Variants in PRELID2 observed in about 807,000 individuals in gnomAD.
PRELID2 encodes the protein PRELI domain containing 2, also known as PRELI domain-containing protein 2.
In PRELID2, 25 loss-of-function variants were observed where a neutral mutation model predicts 28.4. The ratio of observed to expected loss-of-function variants is 0.88; its 90% CI spans 0.64 to 1.23. The LOEUF (loss-of-function observed/expected upper bound fraction) is 1.23, where lower values mean the gene tolerates loss of function less well. Ranked by LOEUF, PRELID2 falls within the 50% of genes most tolerant of loss-of-function variation. The pLI is 0.00. For synonymous variants in PRELID2, 76 were observed against 71.6 expected, an observed-to-expected ratio of 1.06 and a Z score of -0.31; for missense variants, 201 against 214.4, an observed-to-expected ratio of 0.94 and a Z score of 0.39.
chr5:145,598,100 T>C (rs893453228), intron 1 of PRELID2, among the ~76,000 whole-genome samples: 2 of 152,084 alleles, frequency 1.3e-5, no homozygotes, highest in African/African-American at 4.8e-5. Context: ...AGGCTTTCAA[T>C]AGACAAAGTG....
rs182738131 is a variant in PRELID2, at chr5:145,727,672, T to C, written n.70+37259A>G. ...AAATCCACAAATGTAGAGCCTCCAA[T>C]GGCCTTCAACTGTAAATCTTTTGGA... On this transcript the variant is annotated intron_variant and non_coding_transcript_variant, in intron 1 of 2. Transcript: ENST00000510259. 1.3e-3 allele frequency among the ~76,000 whole-genome samples: 196 copies of C among 152,266 alleles called. 1 individual carries two copies. Among genetic ancestry groups the C allele is most frequent in the African/African-American group, 4.5e-3 (186 of 41,566 alleles).
At chr5:145,439,147 T>C in the PRELID2 span, among the ~76,000 whole-genome samples, 45 of 152,152 alleles carry the variant, frequency 3.0e-4, no homozygotes, top group Non-Finnish European at 4.4e-4. Context: ...CATTCTCAAA[T>C]GTGTGGGATC....
chr5:145,357,038 C>A, the PRELID2 span, among the ~76,000 whole-genome samples: 6 of 152,142 alleles, frequency 3.9e-5, no homozygotes, highest in Admixed American at 2.6e-4. Context: ...TTGGAATTTC[C>A]TTTCTTTAAG....
chr5:145,257,587 T>C, the PRELID2 span, among the ~76,000 whole-genome samples: 2 of 152,194 alleles, frequency 1.3e-5, no homozygotes, highest in South Asian at 2.1e-4. Context: ...ACACAACTAA[T>C]GATGTTCATA....
intron 1 of PRELID2, among the ~76,000 whole-genome samples, chr5:145,705,362 TG>T (rs757730093): frequency 3.5e-4 from 49 of 139,786 alleles, no homozygotes; most frequent in African/African-American, 1.4e-3. Context: ...AGCTAATTTT[TG>T]TGGGTTTTTT....
At chr5:145,380,425 G>T in the PRELID2 span, among the ~76,000 whole-genome samples, 1 of 152,154 alleles carries the variant, frequency 6.6e-6, no homozygotes, top group African/African-American at 2.4e-5. Flanking sequence ...TCACCTGGCT[G>T]CTCTAATCGG....
At chr5:145,424,369 T>C in the PRELID2 span, among the ~76,000 whole-genome samples, 10 of 152,230 alleles carry the variant, frequency 6.6e-5, no homozygotes, top group African/African-American at 2.2e-4. Flanking sequence ...CTCAGACTGC[T>C]GTGCTAGCAA....
the PRELID2 span, among the ~76,000 whole-genome samples, chr5:145,415,256 T>G: frequency 6.6e-6 from 1 of 152,044 alleles, no homozygotes; most frequent in African/African-American, 2.4e-5. Flanking sequence ...TTTTGTTTTG[T>G]TTTTTATTTT....
chr5:145,569,560 A>G (rs188360217), intron 1 of PRELID2, among the ~76,000 whole-genome samples: 132 of 152,330 alleles, frequency 8.7e-4, no homozygotes, highest in Non-Finnish European at 1.5e-3. Context: ...AGAAAACAAG[A>G]ATGCTTCTGG....
At chr5:145,386,242 C>T in the PRELID2 span, among the ~76,000 whole-genome samples, 1 of 151,856 alleles carries the variant, frequency 6.6e-6, no homozygotes, top group African/African-American at 2.4e-5. Context: ...GAGAACTCAC[C>T]CACTCTCATG....
At chr5:145,829,976 C>A (rs754439509) in intron 1 of PRELID2, among the ~76,000 whole-genome samples, 1 of 152,178 alleles carries the variant, frequency 6.6e-6, no homozygotes, top group Non-Finnish European at 1.5e-5. Context: ...ATAAATAACA[C>A]CCAGGGTCAT....
the PRELID2 span, among the ~76,000 whole-genome samples, chr5:145,437,702 G>A: frequency 6.6e-6 from 1 of 152,064 alleles, no homozygotes; most frequent in Non-Finnish European, 1.5e-5. Flanking sequence ...GATGCTCTCT[G>A]GAGTTTTGCA....
chr5:145,410,623 T>A, the PRELID2 span, among the ~76,000 whole-genome samples: 1 of 152,118 alleles, frequency 6.6e-6, no homozygotes, highest in African/African-American at 2.4e-5. Context: ...TCAGATCTCA[T>A]GAGAACTCAC....
chr5:145,539,257 T>A (rs1032452752), intron 1 of PRELID2, among the ~76,000 whole-genome samples: 1 of 152,084 alleles, frequency 6.6e-6, no homozygotes, highest in African/African-American at 2.4e-5. Flanking sequence ...GTTATATATG[T>A]AGCAGAGAAT....
chr5:145,229,298 A>T, the PRELID2 span: 1 of 749,696 alleles, frequency 1.3e-6, no homozygotes, highest in Non-Finnish European at 2.5e-6. Flanking sequence ...CAGTGACCTG[A>T]TGGAATATGC....
Position 145,545,513 on chromosome 5 carries a change from T to C in PRELID2, n.71-72198A>G, listed in dbSNP as rs1023303390. Among the ~76,000 whole-genome samples, 4 of 152,020 alleles carry C rather than the reference T, an allele frequency of 2.6e-5. No homozygotes were observed. In the East Asian group the frequency reaches 7.7e-4, roughly 29 times the overall value. On this transcript the variant is annotated intron_variant and non_coding_transcript_variant, in intron 1 of 2. Coordinates refer to the PRELID2 transcript ENST00000510259. ...ACTTCAAAGAAATTTTATCTAGTCA[T>C]AGGCTCCTTCCACCTGTGGTCAAAT...
At chr5:145,401,811 C>T in the PRELID2 span, among the ~76,000 whole-genome samples, 1 of 152,136 alleles carries the variant, frequency 6.6e-6, no homozygotes, top group African/African-American at 2.4e-5. Flanking sequence ...TGGCATTCTG[C>T]TAAATTTAGT....
chr5:145,794,201 G>A (rs925640334), intron 5 of PRELID2, among the ~76,000 whole-genome samples: 8 of 152,228 alleles, frequency 5.3e-5, no homozygotes, highest in Non-Finnish European at 8.8e-5. Flanking sequence ...TAGACACATA[G>A]TCTTACAGAC....
intron 1 of PRELID2, among the ~76,000 whole-genome samples, chr5:145,741,556 T>G (rs1193904990): frequency 1.4e-4 from 15 of 109,288 alleles, no homozygotes; most frequent in African/African-American, 5.5e-4. Context: ...AATAATTTAT[T>G]TATATATAAA....
Sources: gnomAD v4.1 joint callset for allele counts (sites outside exome capture counted in the v4.1 genomes callset) on GRCh38, gnomAD v4.1.1 for gene constraint, MANE v1.5 for transcripts, NCBI Gene and HGNC (gene_info 2026-07-23, HGNC 2026-07-21) for gene names.